Variants in LCT observed in about 807,000 individuals in gnomAD.
LCT encodes the protein lactase/phlorizin hydrolase.
LCT carries 90 observed loss-of-function variants against 173.0 expected under a neutral mutation model. That is an observed-to-expected ratio of 0.52 (90% CI 0.44 to 0.62). LCT has a LOEUF of 0.62. Among genes scored for constraint, LCT ranks in the 20% least tolerant of loss-of-function variants. LCT has a pLI of 0.00. For missense variants in LCT, 1,864 were observed against 2,431.4 expected, an observed-to-expected ratio of 0.77 and a Z score of 4.91; for synonymous variants, 853 against 957.6, an observed-to-expected ratio of 0.89 and a Z score of 2.02.
intron 3 of LCT, among the ~76,000 whole-genome samples, chr2:135,828,488 G>A (rs72972156): frequency 0.05 from 7,553 of 152,266 alleles, 345 homozygotes; most frequent in African/African-American, 0.11. Flanking sequence ...ACCTGAAGAG[G>A]CAGGGGGTCC....
chr2:135,808,639 C>T lies in LCT; in HGVS notation c.3708G>A (p.Glu1236=), dbSNP rs1402951413. The change falls in exon 8 of 17, where the codon GAG becomes GAA. Residue 1236 remains glutamate (E), a synonymous_variant. Coordinates refer to ENST00000264162, the MANE Select transcript of LCT (RefSeq NM_002299.4). ...TTGCCGTGGAAGGCCACGAAGGGTC[C>T]TCCTCCTCAGCCATCTCCTGGTCGT... is the stretch of plus-strand genomic sequence containing the variant. ...YEDDQEMAEE[E]DPSWPSTAMN... The T allele has an allele frequency of 1.2e-5, 19 of 1,614,218 alleles. No homozygotes were observed. Among genetic ancestry groups the T allele is most frequent in the Non-Finnish European group, 1.4e-5 (17 of 1,180,032 alleles).
chr2:135,811,026 CA>C (rs1017659333), intron 7 of LCT, among the ~76,000 whole-genome samples: 174 of 124,900 alleles, frequency 1.4e-3, no homozygotes, highest in Middle Eastern at 4.1e-3. Flanking sequence ...GACTCCGTCT[CA>C]AAAAAAAAAA....
intron 12 of LCT, among the ~76,000 whole-genome samples, chr2:135,798,486 C>T: frequency 6.6e-6 from 1 of 152,354 alleles, no homozygotes; most frequent in East Asian, 1.9e-4. Context: ...ACCCACAAGC[C>T]TCCAGGCTCC....
At position 135,812,834 on chromosome 2, in the gene LCT, A is replaced by C; in HGVS notation, c.1830T>G (p.Ser610=). Residue 610 remains serine (S), a synonymous_variant, in exon 7 of 17, where the codon TCT becomes TCG. Transcript: ENST00000264162. ...VLNSDWAEPL[S]PERPEDLRAS... ...CTCTCAGGTCCTCAGGCCTCTCTGG[A>C]GACAGGGGTTCTGCCCAGTCTGAGT... is the stretch of plus-strand genomic sequence containing the variant. 6.2e-7 allele frequency: 1 copy of C among 1,614,186 alleles called. No individual in the cohort carries two copies. Among genetic ancestry groups the C allele is most frequent in the East Asian group, 2.2e-5 (1 of 44,880 alleles).
At chr2:135,798,273 T>C in intron 12 of LCT, 135 bp from the exon 13 acceptor site, 1 of 703,484 alleles carries the variant, frequency 1.4e-6, no homozygotes. Context: ...CTCTCTTCCC[T>C]GTGGCTCCTG....
Position 135,808,906 on chromosome 2 carries a change from C to T in LCT, c.3441G>A (p.Leu1147=), listed in dbSNP as rs2077702982. The T allele has an allele frequency of 6.2e-7, 1 of 1,614,232 alleles. No individual in the cohort carries two copies. The highest frequency in any genetic ancestry group is 8.5e-7 in the Non-Finnish European group (1 of 1,180,028). The change falls in exon 8 of 17, where the codon CTG becomes CTA. Residue 1147 remains leucine (L), a synonymous_variant. Transcript: ENST00000264162. ...GAGCAAACCAGCCCAGGGAGAACTGCAGCATTCGGTCAGCGGCTTCCACAT... is the reference window on the plus strand; with the variant it reads ...GAGCAAACCAGCCCAGGGAGAACTGTAGCATTCGGTCAGCGGCTTCCACAT... The part of the protein sequence containing the change: ...PRDVEAADRM[L]QFSLGWFAHP...
At chr2:135,813,046 AT>A (rs2077748887) in intron 6 of LCT, 90 bp from the exon 7 acceptor site, 2 of 1,140,634 alleles carry the variant, frequency 1.8e-6, no homozygotes, top group African/African-American at 3.1e-5. Flanking sequence ...GTCAACAACA[AT>A]GTCAACAAGT....
chr2:135,802,029 G>T (rs1184591266), intron 11 of LCT, among the ~76,000 whole-genome samples: 1 of 152,126 alleles, frequency 6.6e-6, no homozygotes, highest in African/African-American at 2.4e-5. Context: ...GTGATCATTT[G>T]GGTTGGAGAA....
At position 135,836,733 on chromosome 2, in the gene LCT, G is replaced by C. The variant is rs1679399201; in HGVS notation, c.437C>G (p.Ala146Gly). The C allele has an allele frequency of 3.1e-6, 5 of 1,614,066 alleles. No homozygotes were observed. The highest frequency in any genetic ancestry group is 4.2e-6 in the Non-Finnish European group (5 of 1,180,040). Residue 146 changes from alanine (A) to glycine (G), a missense_variant, in exon 1 of 17, where the codon GCC becomes GGC. Physicochemically the swap from Ala to Gly is moderately conservative, Grantham distance 60 (BLOSUM62 0). Around this residue, in one of 4 missense-constraint regions of LCT, gnomAD observed 412 missense variants for 462.0 expected, o/e 0.89. Coordinates refer to ENST00000264162, the MANE Select transcript of LCT (RefSeq NM_002299.4). ...ATAGTCGGCGAAGAGGTCAGCAAAG[G>C]CTTCGGTTCTCCGGAGGGTGCTGGC... is the stretch of plus-strand genomic sequence containing the variant. Reference protein sequence around the residue: ...LPASTLRRTEAFADLFADYAT... With the variant: ...LPASTLRRTEGFADLFADYAT...
intron 3 of LCT, among the ~76,000 whole-genome samples, chr2:135,826,323 G>A (rs1035741573): frequency 6.6e-6 from 1 of 151,806 alleles, no homozygotes; most frequent in Admixed American, 6.6e-5. Flanking sequence ...GGAGGTCGAG[G>A]GGGGTGGTGG....
intron 13 of LCT, among the ~76,000 whole-genome samples, chr2:135,797,699 T>C (rs2077593816): frequency 6.6e-6 from 1 of 152,158 alleles, no homozygotes; most frequent in Non-Finnish European, 1.5e-5. Context: ...AGCACACGCC[T>C]GACTGTCAGC....
chr2:135,835,976 G>GTATATATATATA (rs745860913), intron 1 of LCT, among the ~76,000 whole-genome samples: 2 of 80,474 alleles, frequency 2.5e-5, no homozygotes, highest in African/African-American at 1.3e-4. Flanking sequence ...ATACATGTGT[G>GTATATATATATA]TATATATATA....
rs114524015 is a variant in LCT, at chr2:135,819,172, T to A, written c.987-1111A>T. Among the ~76,000 whole-genome samples the A allele has an allele frequency of 3.2e-3, 480 of 152,364 alleles. 2 individuals carry two copies. The highest frequency in any genetic ancestry group is 0.011 in the African/African-American group (454 of 41,590). On this transcript the variant is annotated intron_variant, in intron 5 of 16. Coordinates refer to ENST00000264162, the MANE Select transcript of LCT (RefSeq NM_002299.4). ...ACATACATGTTTATGTGCATGTATA[T>A]GCATGTACATATGTATATGCATATG...
In LCT at chr2:135,794,590, C is replaced by A. The variant is rs746493622; in HGVS notation, c.5111+51G>T. The A allele has an allele frequency of 6.2e-6, 10 of 1,601,694 alleles. No homozygotes were observed. The East Asian group carries it at 2.2e-4, about 36-fold the overall frequency. ...GCCTCAGAGAGCACAGCCAAGGGCA[C>A]CTTTCTGCCTTTTCCAGAGATGGCT... On this transcript the variant is annotated intron_variant, in intron 14 of 16. Coordinates refer to ENST00000264162, the MANE Select transcript of LCT (RefSeq NM_002299.4).
chr2:135,834,799 A>AAAAAAAAAAAAAAAAC (rs2077971691), intron 1 of LCT, among the ~76,000 whole-genome samples: 1 of 148,456 alleles, frequency 6.7e-6, no homozygotes, highest in Non-Finnish European at 1.5e-5. Context: ...AAAAAAAAAA[A>AAAAAAAAAAAAAAAAC]AAAAAAAAAA....
rs1210394101 is a variant in LCT at position 135,829,679 on chromosome 2, G to A, written c.721-3C>T. ...AGAGAGAGGAAATCGACCGTGTCCT[G>A]AAAATAGTAGTTAAATAGGGTCATT... On this transcript the variant is annotated splice_polypyrimidine_tract_variant and splice_region_variant and intron_variant, in intron 2 of 16. Transcript: ENST00000264162. The A allele has an allele frequency of 1.3e-6, 2 of 1,599,594 alleles. No individual in the cohort carries two copies. The highest frequency in any genetic ancestry group is 2.7e-5 in the African/African-American group (2 of 74,478).
intron 7 of LCT, 124 bp downstream of exon 7, chr2:135,812,187 C>T (rs906954567): frequency 1.2e-5 from 10 of 822,926 alleles, no homozygotes; most frequent in Non-Finnish European, 1.9e-5. Flanking sequence ...GAAGGACTCC[C>T]CACTATTATG....
chr2:135,796,278 G>C (rs1240066643), intron 13 of LCT, among the ~76,000 whole-genome samples: 1 of 152,214 alleles, frequency 6.6e-6, no homozygotes, highest in African/African-American at 2.4e-5. Context: ...ATTAACCTGA[G>C]GGATCAAGAA....
rs1039533933 is a variant in LCT, at chr2:135,836,958, A to C, written c.212T>G (p.Phe71Cys). 1.9e-6 allele frequency: 3 copies of C among 1,614,154 alleles called. No individual in the cohort carries two copies. In the South Asian group the frequency reaches 3.3e-5, roughly 18 times the overall value. The change falls in exon 1 of 17, where the codon TTC becomes TGC. Residue 71 changes from phenylalanine to cysteine, a missense_variant. Physicochemically the swap from Phe to Cys is radical, Grantham distance 205. Around this residue, in one of 4 missense-constraint regions of LCT, gnomAD observed 412 missense variants for 462.0 expected, o/e 0.89. Transcript: ENST00000264162. ...MYVCHQPLPT[F>C]LPEYFSSLHA... ...GAGACTGCTGAAGTATTCTGGCAGG[A>C]AAGTGGGCAGTGGCTGGTGACAAAC...
Sources: allele counts gnomAD v4.1 joint callset (sites outside exome capture counted in the v4.1 genomes callset), GRCh38; gene constraint gnomAD v4.1.1; regional missense constraint gnomAD v4.1.1; transcripts MANE v1.5; gene names NCBI Gene and HGNC (gene_info 2026-07-23, HGNC 2026-07-21).